SLC4A4: variants seen among roughly 807,000 people sequenced by gnomAD.
SLC4A4 encodes electrogenic sodium bicarbonate cotransporter 1.
In SLC4A4, 27 loss-of-function variants were observed where a neutral mutation model predicts 111.5. That is an observed-to-expected ratio of 0.24 (90% CI 0.18 to 0.33). SLC4A4 has a LOEUF of 0.33. SLC4A4 is among the 10% of genes least tolerant of loss of function. The pLI, the probability that SLC4A4 is intolerant of heterozygous loss-of-function variation, is 1.00. For missense variants in SLC4A4, 909 were observed against 1,315.5 expected (o/e 0.69, Z 4.78); for synonymous variants, 443 against 463.4 (o/e 0.96, Z 0.57).
chr4:71,371,684 A>G (rs1731898391), intron 6 of SLC4A4, among the ~76,000 whole-genome samples: 1 of 152,132 alleles, frequency 6.6e-6, no homozygotes, highest in Admixed American at 6.6e-5. Flanking sequence ...TCTGTGCCTC[A>G]CAATGGAAGA....
At chr4:71,443,168 G>T (rs571689563) in intron 8 of SLC4A4, among the ~76,000 whole-genome samples, 7 of 129,580 alleles carry the variant, frequency 5.4e-5, no homozygotes, top group African/African-American at 2.1e-4. Flanking sequence ...TTTGAAGGGG[G>T]GTGATAGAGT....
At chr4:71,538,100 A>AT (rs1734720605) in intron 18 of SLC4A4, among the ~76,000 whole-genome samples, 1 of 151,744 alleles carries the variant, frequency 6.6e-6, no homozygotes, top group Non-Finnish European at 1.5e-5. Flanking sequence ...GTTGTTGACT[A>AT]ATATTTTTAT....
chr4:71,089,098 C>T lies in SLC4A4; in HGVS notation c.-64-3632C>T, dbSNP rs546278047. On this transcript the variant is annotated intron_variant, in intron 1 of 26. Transcript: ENST00000649996. ...TCCCATATTTCTTGGAGGCTTTCTT[C>T]ATTTCCTTTTATTCTTTTTTCTCTA... Among the ~76,000 whole-genome samples the T allele has an allele frequency of 1.2e-3, 175 of 152,108 alleles. 2 individuals carry two copies. The highest frequency in any genetic ancestry group is 4.1e-3 in the African/African-American group (170 of 41,400).
intron 3 of SLC4A4, among the ~76,000 whole-genome samples, chr4:71,294,611 C>T (rs577968475): frequency 6.6e-6 from 1 of 152,280 alleles, no homozygotes; most frequent in Admixed American, 6.5e-5. Context: ...ATTAACTGTA[C>T]TTTAAGTACG....
intron 20 of SLC4A4, among the ~76,000 whole-genome samples, chr4:71,551,822 A>G (rs1736018071): frequency 6.6e-6 from 1 of 151,910 alleles, no homozygotes. Context: ...AGTTTCTTCA[A>G]TGACTAGGAA....
At chr4:71,182,489 T>C (rs1375587473), upstream of SLC4A4, among the ~76,000 whole-genome samples, 1 of 151,856 alleles carries the variant, frequency 6.6e-6, no homozygotes, top group Non-Finnish European at 1.5e-5. Flanking sequence ...AATAGGCCAG[T>C]TGGATCTGGT....
intron 7 of SLC4A4, among the ~76,000 whole-genome samples, chr4:71,436,411 G>A (rs1225483764): frequency 1.3e-5 from 2 of 152,094 alleles, no homozygotes; most frequent in South Asian, 2.1e-4. Flanking sequence ...CCTGTCAGGG[G>A]GTCAGGGGTC....
At chr4:71,279,066 TATC>T (rs1303880690) in intron 3 of SLC4A4, among the ~76,000 whole-genome samples, 3 of 152,208 alleles carry the variant, frequency 2.0e-5, no homozygotes, top group Non-Finnish European at 2.9e-5. Context: ...CTCATGTAGT[TATC>T]ATTTTTTGTG....
intron 16 of SLC4A4, among the ~76,000 whole-genome samples, chr4:71,511,519 A>G (rs1318969723): frequency 6.6e-6 from 1 of 152,126 alleles, no homozygotes; most frequent in South Asian, 2.1e-4. Context: ...AAACTTAAAA[A>G]ATACAACTTT....
chr4:71,289,024 T>C (rs1349454443), intron 3 of SLC4A4, among the ~76,000 whole-genome samples: 1 of 152,196 alleles, frequency 6.6e-6, no homozygotes, highest in African/African-American at 2.4e-5. Context: ...GGACTTAAGC[T>C]GAGGCCTGGG....
At chr4:71,178,794 A>G (rs1303297104) in intron 2 of SLC4A4, among the ~76,000 whole-genome samples, 5 of 152,220 alleles carry the variant, frequency 3.3e-5, no homozygotes, top group Non-Finnish European at 7.3e-5. Flanking sequence ...AGCTGGTACC[A>G]TTCCTTCTGA....
At chr4:71,096,433 A>ACGGTGAAT (rs1361823902) in intron 2 of SLC4A4, among the ~76,000 whole-genome samples, 4 of 152,164 alleles carry the variant, frequency 2.6e-5, no homozygotes, top group African/African-American at 9.7e-5. Flanking sequence ...TCAGAAAAAG[A>ACGGTGAAT]CGGTGAATCG....
intron 3 of SLC4A4, among the ~76,000 whole-genome samples, chr4:71,263,245 C>G (rs1336774672): frequency 6.6e-6 from 1 of 152,126 alleles, no homozygotes; most frequent in East Asian, 1.9e-4. Flanking sequence ...TGTGTCTCAG[C>G]AAGGCCACCT....
chr4:71,217,258 T>G (rs1350170805), intron 1 of SLC4A4, among the ~76,000 whole-genome samples: 1 of 152,084 alleles, frequency 6.6e-6, no homozygotes, highest in African/African-American at 2.4e-5. Context: ...CAATAAATGA[T>G]TTGGGTACTA....
chr4:71,498,940 A>C (rs374036816), intron 16 of SLC4A4, among the ~76,000 whole-genome samples: 12 of 152,178 alleles, frequency 7.9e-5, no homozygotes, highest in South Asian at 6.2e-4. Context: ...GTGTTGTCTA[A>C]GAATTGGCTG....
rs1003206815 is a variant in SLC4A4 at position 71,568,092 on chromosome 4, C to T, written c.*341C>T. The T allele has an allele frequency of 2.1e-6, 1 of 472,740 alleles. No individual in the cohort carries two copies. The highest frequency in any genetic ancestry group is 3.7e-6 in the Non-Finnish European group (1 of 267,266). The allele number at this position is 472,740 out of a possible 1,614,324, so 29.3% of individuals were successfully genotyped here. A position where few individuals can be genotyped will look rare whatever the true frequency, so the allele number is the denominator to read the frequency against. ...TCCTTAAAAACAGCATCTGAGGAAT[C>T]CCCCTTTTGTTCTTAAACTTTCAGA... is the stretch of plus-strand genomic sequence containing the variant. On this transcript the variant is annotated 3_prime_UTR_variant, in exon 26 of 26. Coordinates refer to ENST00000264485, the MANE Select transcript of SLC4A4 (RefSeq NM_001098484.3).
chr4:71,510,741 C>T (rs1560574373), intron 16 of SLC4A4, among the ~76,000 whole-genome samples: 1 of 152,088 alleles, frequency 6.6e-6, no homozygotes, highest in Non-Finnish European at 1.5e-5. Flanking sequence ...ACAGACTTTC[C>T]ACTACCATTT....
chr4:71,450,021 T>C (rs1213504839), intron 9 of SLC4A4, among the ~76,000 whole-genome samples: 1 of 152,194 alleles, frequency 6.6e-6, no homozygotes, highest in African/African-American at 2.4e-5. Context: ...ATCCCAGTAG[T>C]TTTTATTTCA....
intron 3 of SLC4A4, among the ~76,000 whole-genome samples, chr4:71,328,161 CT>C (rs1389619091): frequency 6.6e-6 from 1 of 152,062 alleles, no homozygotes; most frequent in African/African-American, 2.4e-5. Flanking sequence ...GGATCTCATT[CT>C]TTTTTCATGG....
Sources: gnomAD v4.1 joint callset for allele counts (sites outside exome capture counted in the v4.1 genomes callset) on GRCh38, gnomAD v4.1.1 for gene constraint, MANE v1.5 for transcripts, NCBI Gene and HGNC (gene_info 2026-07-23, HGNC 2026-07-21) for gene names.